Variants in DAPK1 observed in about 807,000 individuals in gnomAD.
DAPK1 encodes the protein death-associated protein kinase 1.
A neutral mutation model predicts 144.9 loss-of-function variants in DAPK1; 56 were observed. That is an observed-to-expected ratio of 0.39 (90% CI 0.31 to 0.48). The LOEUF (loss-of-function observed/expected upper bound fraction) is 0.48. Ranked by LOEUF, DAPK1 falls within the 20% of genes least tolerant of loss-of-function variation. DAPK1 has a pLI of 0.95. For synonymous variants in DAPK1, 690 were observed against 749.0 expected (o/e 0.92, Z 1.29); for missense variants, 1,454 against 1,875.4 (o/e 0.78, Z 4.15).
intron 2 of DAPK1, among the ~76,000 whole-genome samples, chr9:87,522,043 T>C (rs952966901): frequency 6.6e-6 from 1 of 152,198 alleles, no homozygotes; most frequent in African/African-American, 2.4e-5. Flanking sequence ...AGCAAGAAGA[T>C]GCTCACCAGG....
intron 22 of DAPK1, among the ~76,000 whole-genome samples, chr9:87,698,231 G>A (rs147522942): frequency 4.6e-5 from 7 of 152,076 alleles, no homozygotes; most frequent in East Asian, 1.9e-4. Flanking sequence ...AACACTCCCC[G>A]AAGTGGGAGG....
intron 3 of DAPK1, chr9:87,632,451 G>T: frequency 1.0e-6 from 1 of 981,784 alleles, no homozygotes; most frequent in Non-Finnish European, 1.2e-6. Context: ...GATGAAGGAG[G>T]ATGAGTATAT....
intron 2 of DAPK1, chr9:87,554,586 C>G (rs1321058883): frequency 6.6e-6 from 1 of 152,308 alleles, no homozygotes; most frequent in Middle Eastern, 3.4e-3. Flanking sequence ...GAGCCTTCCA[C>G]AGGAAGGCCC....
intron 25 of DAPK1, among the ~76,000 whole-genome samples, chr9:87,703,816 G>GT (rs1470396461): frequency 2.0e-5 from 3 of 152,230 alleles, no homozygotes; most frequent in Non-Finnish European, 2.9e-5. Context: ...GAGCACCAGG[G>GT]CGCGGTTTGG....
chr9:87,688,296 A>G (rs1265662015), intron 21 of DAPK1, among the ~76,000 whole-genome samples: 1 of 152,144 alleles, frequency 6.6e-6, no homozygotes, highest in Non-Finnish European at 1.5e-5. Flanking sequence ...GCTTCATAGT[A>G]TTTCATGATG....
intron 21 of DAPK1, among the ~76,000 whole-genome samples, chr9:87,687,123 T>C (rs1367237337): frequency 1.3e-5 from 2 of 152,256 alleles, no homozygotes; most frequent in Non-Finnish European, 2.9e-5. Flanking sequence ...ATCATTTCTA[T>C]GTGTTGGGAA....
Position 87,605,155 on chromosome 9 carries a change from C to T in DAPK1, c.264C>T (p.Asp88=), listed in dbSNP as rs373110876. ...ACGAGGTCTATGAGAACAAGACGGACGTCATCCTGATCTTGGAACTGTGAG... is the reference window on the plus strand; with the variant it reads ...ACGAGGTCTATGAGAACAAGACGGATGTCATCCTGATCTTGGAACTGTGAG... ...TLHEVYENKT[D]VILILELVAG... Residue 88 remains aspartate, a synonymous_variant, in exon 3 of 26, where the codon GAC becomes GAT. Transcript: ENST00000408954. The T allele has an allele frequency of 5.0e-6, 8 of 1,613,660 alleles. No homozygotes were observed. The highest frequency in any genetic ancestry group is 1.6e-4 in the Middle Eastern group (1 of 6,084).
chr9:87,653,507 A>G (rs7874328), intron 17 of DAPK1, among the ~76,000 whole-genome samples: 70,313 of 151,678 alleles, frequency 0.46, 17,058 homozygotes, highest in East Asian at 0.61. Flanking sequence ...GTGTGTGTGT[A>G]TGTATGTGTG....
chr9:87,598,917 T>G (rs561816694), intron 2 of DAPK1, among the ~76,000 whole-genome samples: 13 of 152,352 alleles, frequency 8.5e-5, no homozygotes, highest in African/African-American at 2.9e-4. Context: ...GTACTTTTAT[T>G]GCATGGCATC....
In DAPK1 at chr9:87,646,506, C is replaced by T. The variant is rs1830271799; in HGVS notation, c.1177C>T (p.Gln393Ter). The part of the protein sequence containing the change: ...LLIAAGCGNI[Q>*]ILQLLIKRGS... ...CATTGCTGCTGGCTGTGGGAATATTCAAATACTACAGTTGCTCATTAAAAG... is the reference window on the plus strand; with the variant it reads ...CATTGCTGCTGGCTGTGGGAATATTTAAATACTACAGTTGCTCATTAAAAG... Residue 393 changes from glutamine (Q) to a stop codon, truncating the protein, a stop_gained, in exon 13 of 26, where the codon CAA (glutamine) becomes TAA (stop). Transcript: ENST00000408954. LOFTEE classifies it high-confidence loss of function. 1 of 1,613,814 alleles carries T rather than the reference C, an allele frequency of 6.2e-7. No individual in the cohort carries two copies. The highest frequency in any genetic ancestry group is 1.3e-5 in the African/African-American group (1 of 74,908).
intron 16 of DAPK1, 90 bp downstream of exon 16, chr9:87,650,208 A>T: frequency 7.5e-7 from 1 of 1,335,116 alleles, no homozygotes; most frequent in Non-Finnish European, 1.1e-6. Flanking sequence ...TCCCTAAGAT[A>T]ACAAACTTGA....
Position 87,707,240 on chromosome 9 carries a change from A to G in DAPK1, c.4169A>G (p.Asp1390Gly), listed in dbSNP as rs1825676542. 4 of 1,614,160 alleles carry G rather than the reference A, an allele frequency of 2.5e-6. No individual in the cohort carries two copies. Among genetic ancestry groups the G allele is most frequent in the South Asian group, 2.2e-5 (2 of 91,072 alleles). ...LRELGRRDAA[D>G]FLLKASSVFK... ...GAGCTGGGTCGCCGGGATGCCGCAG[A>G]CTTTTTGCTGAAGGCATCCTCTGTG... The change falls in exon 26 of 26, where the codon GAC (aspartate) becomes GGC (glycine). Residue 1390 changes from aspartate to glycine, a missense_variant. Asp to Gly is a moderately conservative substitution (Grantham distance 94). This residue lies in a region of DAPK1 where 1,025 missense variants were observed against 1,237.9 expected (regional missense o/e 0.83). Coordinates refer to ENST00000408954, the MANE Select transcript of DAPK1 (RefSeq NM_004938.4). The surrounding 1 kb of genome is among the most constrained non-coding windows in gnomAD (Gnocchi z 4.0).
intron 4 of DAPK1, 149 bp from the exon 5 acceptor site, chr9:87,639,205 A>G: frequency 1.4e-6 from 1 of 693,408 alleles, no homozygotes; most frequent in South Asian, 2.1e-5. Context: ...CTAGAGCAAG[A>G]CATGTATTTT....
rs1825623776 is a variant in DAPK1, at chr9:87,706,109, G to T, written c.3061-23G>T. 1 of 1,560,394 alleles carries T rather than the reference G, an allele frequency of 6.4e-7. No homozygotes were observed. The highest frequency in any genetic ancestry group is 8.7e-7 in the Non-Finnish European group (1 of 1,145,484). ...TGGCCAGGGCTCTGTCCCTAAGCGT[G>T]ACTTTCTGTTGTCCCCCCGCAGATC... On this transcript the variant is annotated intron_variant, in intron 25 of 25. Coordinates refer to ENST00000408954, the MANE Select transcript of DAPK1 (RefSeq NM_004938.4). This position sits in a 1 kb window ranked among gnomAD's most constrained non-coding sequence, Gnocchi z 9.0.
Position 87,706,045 on chromosome 9 carries a change from G to A in DAPK1, c.3061-87G>A, listed in dbSNP as rs1467645300. The A allele has an allele frequency of 2.1e-5, 20 of 953,444 alleles. No individual in the cohort carries two copies. The highest frequency in any genetic ancestry group is 4.9e-5 in the African/African-American group (3 of 60,960). The allele number at this position is 953,444 out of a possible 1,614,324, so 59.1% of individuals were successfully genotyped here. A position where few individuals can be genotyped will look rare whatever the true frequency, so the allele number is the denominator to read the frequency against. ...GAGCATCTGCTCAGCCTCTGTTGCC[G>A]GCATCAGGCCCTTTAGTGCTCTAAG... On this transcript the variant is annotated intron_variant, in intron 25 of 25. Coordinates refer to ENST00000408954, the MANE Select transcript of DAPK1 (RefSeq NM_004938.4). This position sits in a 1 kb window ranked among gnomAD's most constrained non-coding sequence, Gnocchi z 9.0.
At chr9:87,510,376 T>C (rs551172800) in intron 2 of DAPK1, among the ~76,000 whole-genome samples, 2 of 152,332 alleles carry the variant, frequency 1.3e-5, no homozygotes, top group African/African-American at 4.8e-5. Context: ...GTGCAGATAA[T>C]GCTTATCTGC....
intron 2 of DAPK1, 99 bp downstream of exon 2, chr9:87,499,238 C>T: frequency 2.7e-6 from 3 of 1,092,362 alleles, no homozygotes; most frequent in East Asian, 4.9e-5. Context: ...CAGGCGTCTC[C>T]CTCGCCCTTT....
At chr9:87,633,137 A>T in intron 3 of DAPK1, 1 of 983,586 alleles carries the variant, frequency 1.0e-6, no homozygotes, top group Non-Finnish European at 1.2e-6. Context: ...ATGAGTGTAC[A>T]TGTAGGGATG....
chr9:87,661,556 T>C (rs1830847900), intron 18 of DAPK1, among the ~76,000 whole-genome samples: 1 of 152,232 alleles, frequency 6.6e-6, no homozygotes, highest in African/African-American at 2.4e-5. Flanking sequence ...GGTTTTAACT[T>C]GCATGTCTCT....
Sources: gnomAD v4.1 joint callset for allele counts (sites outside exome capture counted in the v4.1 genomes callset) on GRCh38, gnomAD v4.1.1 for gene constraint, gnomAD v4.1.1 regional missense constraint, Gnocchi (gnomAD v3.1) non-coding constraint, MANE v1.5 for transcripts, NCBI Gene and HGNC (gene_info 2026-07-23, HGNC 2026-07-21) for gene names.